CDH13: variants seen among roughly 807,000 people sequenced by gnomAD.
The protein encoded by CDH13 is cadherin-13.
A neutral mutation model predicts 63.8 loss-of-function variants in CDH13; 24 were observed. The observed-to-expected ratio is 0.38, with a 90% CI of 0.27 to 0.53. The LOEUF is 0.53. Ranked by LOEUF, CDH13 falls within the 20% of genes least tolerant of loss-of-function variation. The pLI, the probability that CDH13 is intolerant of heterozygous loss-of-function variation, is 0.85. For missense variants in CDH13, 1,049 were observed against 903.1 expected (o/e 1.16, Z -2.07); for synonymous variants, 503 against 355.3 (o/e 1.42, Z -4.67).
intron 6 of CDH13, among the ~76,000 whole-genome samples, chr16:83,450,285 A>G (rs1399893465): frequency 1.3e-5 from 2 of 152,304 alleles, no homozygotes; most frequent in East Asian, 1.9e-4. Context: ...AAAAGCGGAA[A>G]TGTTGAGTGT....
At chr16:83,169,085 A>C (rs890168289) in intron 4 of CDH13, among the ~76,000 whole-genome samples, 1 of 152,168 alleles carries the variant, frequency 6.6e-6, no homozygotes, top group Non-Finnish European at 1.5e-5. Flanking sequence ...CATAATTATC[A>C]AACTTTTTTG....
chr16:83,761,308 G>A (rs1913950259), intron 11 of CDH13, among the ~76,000 whole-genome samples: 1 of 152,200 alleles, frequency 6.6e-6, no homozygotes, highest in African/African-American at 2.4e-5. Flanking sequence ...ATGACTTGAG[G>A]AGGAAAAGAC....
At chr16:83,206,681 G>C (rs1443533090) in intron 4 of CDH13, among the ~76,000 whole-genome samples, 2 of 152,248 alleles carry the variant, frequency 1.3e-5, no homozygotes, top group South Asian at 2.1e-4. Context: ...TCTAATCAGA[G>C]AGATGGCTCT....
At chr16:83,725,308 G>T (rs1304731671) in intron 10 of CDH13, among the ~76,000 whole-genome samples, 1 of 152,206 alleles carries the variant, frequency 6.6e-6, no homozygotes, top group Non-Finnish European at 1.5e-5. Flanking sequence ...AACGGGTCTT[G>T]TGTATCCTGT....
intron 1 of CDH13, among the ~76,000 whole-genome samples, chr16:82,805,419 G>A (rs2037091867): frequency 6.6e-6 from 1 of 152,148 alleles, no homozygotes; most frequent in Admixed American, 6.6e-5. Context: ...AGAGTGGCAT[G>A]GCTGGTTCAA....
chr16:83,794,895 C>T (rs535025778), intron 13 of CDH13, 128 bp from the exon 14 acceptor site: 4 of 823,214 alleles, frequency 4.9e-6, no homozygotes, highest in Non-Finnish European at 6.1e-6. Flanking sequence ...AAAAAAAATT[C>T]CCCCATAGTC....
chr16:83,334,894 C>G (rs1220828959), intron 5 of CDH13, among the ~76,000 whole-genome samples: 1 of 152,120 alleles, frequency 6.6e-6, no homozygotes, highest in Non-Finnish European at 1.5e-5. Context: ...ATATTTTCAT[C>G]TAAATCTGCC....
intron 1 of CDH13, among the ~76,000 whole-genome samples, chr16:82,652,670 T>C (rs1910859058): frequency 6.6e-6 from 1 of 150,492 alleles, no homozygotes; most frequent in East Asian, 1.9e-4. Context: ...AGGTTGGCTG[T>C]CAAACCAACT....
At chr16:83,159,965 A>T (rs561438816) in intron 4 of CDH13, among the ~76,000 whole-genome samples, 1 of 152,110 alleles carries the variant, frequency 6.6e-6, no homozygotes, top group East Asian at 1.9e-4. Context: ...AATCTCAGCT[A>T]CTCAGGAGGC....
chr16:83,031,421 T>C (rs1186802145), intron 2 of CDH13, among the ~76,000 whole-genome samples: 4 of 148,674 alleles, frequency 2.7e-5, no homozygotes, highest in African/African-American at 9.9e-5. Context: ...TATACACGTA[T>C]ATGGTATATA....
At chr16:83,369,532 C>T (rs2151395950) in intron 6 of CDH13, among the ~76,000 whole-genome samples, 1 of 152,294 alleles carries the variant, frequency 6.6e-6, no homozygotes, top group South Asian at 2.1e-4. Flanking sequence ...CATCCTCCCA[C>T]CTCAGCCTCC....
chr16:82,664,778 A>G (rs1912390069), intron 1 of CDH13, among the ~76,000 whole-genome samples: 1 of 152,208 alleles, frequency 6.6e-6, no homozygotes, highest in South Asian at 2.1e-4. Flanking sequence ...GCAGTTTTTG[A>G]TATGAAACAG....
chr16:83,314,625 C>G (rs895108325), intron 5 of CDH13, among the ~76,000 whole-genome samples: 2 of 152,172 alleles, frequency 1.3e-5, no homozygotes, highest in African/African-American at 4.8e-5. Context: ...ATATGGGGCT[C>G]AGCTGAAGGT....
At chr16:83,011,169 A>C (rs1276936336) in intron 2 of CDH13, among the ~76,000 whole-genome samples, 1 of 152,154 alleles carries the variant, frequency 6.6e-6, no homozygotes, top group African/African-American at 2.4e-5. Context: ...CTTCGAAGCC[A>C]AGCAGGTTGT....
intron 3 of CDH13, among the ~76,000 whole-genome samples, chr16:83,058,804 C>G (rs2031219771): frequency 6.6e-6 from 1 of 152,188 alleles, no homozygotes; most frequent in Non-Finnish European, 1.5e-5. Flanking sequence ...AGAATTACTG[C>G]TGACACACGC....
chr16:83,062,125 C>G (rs773594380), intron 3 of CDH13, among the ~76,000 whole-genome samples: 2 of 152,190 alleles, frequency 1.3e-5, no homozygotes, highest in African/African-American at 4.8e-5. Context: ...AGCTTTGCAT[C>G]TGGAAAGACA....
intron 4 of CDH13, among the ~76,000 whole-genome samples, chr16:83,175,187 T>A (rs1329523149): frequency 6.6e-6 from 1 of 152,132 alleles, no homozygotes; most frequent in African/African-American, 2.4e-5. Flanking sequence ...TGCTTTATTC[T>A]CAAACATGCC....
intron 8 of CDH13, among the ~76,000 whole-genome samples, chr16:83,653,107 C>T (rs1417201100): frequency 3.3e-5 from 5 of 152,080 alleles, no homozygotes; most frequent in South Asian, 4.2e-4. Context: ...GGGAGATCTC[C>T]GGGGACAGAA....
At chr16:83,346,284 A>T (rs1026938743) in intron 6 of CDH13, among the ~76,000 whole-genome samples, 1 of 152,204 alleles carries the variant, frequency 6.6e-6, no homozygotes, top group Non-Finnish European at 1.5e-5. Flanking sequence ...CAGACAATCC[A>T]CGTGGCCCCT....
Sources: allele counts gnomAD v4.1 joint callset (sites outside exome capture counted in the v4.1 genomes callset), GRCh38; gene constraint gnomAD v4.1.1; transcripts MANE v1.5; gene names NCBI Gene and HGNC (gene_info 2026-07-23, HGNC 2026-07-21).